PPM1F: variants seen among roughly 807,000 people sequenced by gnomAD.
The protein encoded by PPM1F is protein phosphatase 1F.
PPM1F carries 17 observed loss-of-function variants against 35.5 expected under a neutral mutation model. The observed-to-expected ratio is 0.48, with a 90% CI of 0.33 to 0.72. The LOEUF is 0.72. PPM1F is among the 30% of genes least tolerant of loss of function. PPM1F has a pLI of 0.02. For missense variants in PPM1F, 521 were observed against 613.0 expected (o/e 0.85, Z 1.59); for synonymous variants, 241 against 255.5 (o/e 0.94, Z 0.54).
At chr22:21,926,624 T>A (rs558971249) in intron 6 of PPM1F, among the ~76,000 whole-genome samples, 2 of 152,298 alleles carry the variant, frequency 1.3e-5, no homozygotes, top group South Asian at 4.1e-4. Flanking sequence ...GCCTGCTGAC[T>A]GAAGCCTGCA....
chr22:21,925,934 G>C lies in PPM1F; in HGVS notation c.892-272C>G, dbSNP rs899280681. ...CTAGCGGTGCCTGCGCCCCTGGGCA[G>C]CATTCTGGGTCAGGGAGGCACTCAC... On this transcript the variant is annotated intron_variant, in intron 6 of 7. Transcript: ENST00000263212. 2.1e-4 allele frequency: 81 copies of C among 391,888 alleles called. 1 individual carries two copies. The Middle Eastern group carries it at 3.9e-3, about 19-fold the overall frequency. The allele number at this position is 391,888 out of a possible 1,614,324, so 24.3% of individuals were successfully genotyped here.
chr22:21,952,282 T>C (rs1353582571), intron 1 of PPM1F: 1 of 152,170 alleles, frequency 6.6e-6, no homozygotes, highest in African/African-American at 2.4e-5. Context: ...CAGCTGACGC[T>C]CGCTTCACGG....
chr22:21,950,234 C>T (rs1465673858), intron 1 of PPM1F: 1 of 152,044 alleles, frequency 6.6e-6, no homozygotes, highest in East Asian at 1.9e-4. Context: ...TAGGGCAGCC[C>T]CTCCCCTCCT....
chr22:21,931,025 T>C (rs2070582734), intron 6 of PPM1F, 123 bp downstream of exon 6: 19 of 1,470,260 alleles, frequency 1.3e-5, no homozygotes, highest in Non-Finnish European at 1.7e-5. Flanking sequence ...CAGGGAGCCC[T>C]CCCTCTTGAA....
Position 21,926,999 on chromosome 22 carries a change from C to T in PPM1F, c.892-1337G>A, listed in dbSNP as rs918150152. ...GAATGACATGGGTTTGCAGGAGTCC[C>T]GGCCTTCCTGGGCACTGCAGCCATG... On this transcript the variant is annotated intron_variant, in intron 6 of 7. Coordinates refer to ENST00000263212, the MANE Select transcript of PPM1F (RefSeq NM_014634.4). Among the ~76,000 whole-genome samples the T allele has an allele frequency of 3.3e-5, 5 of 152,194 alleles. No homozygotes were observed. The South Asian group carries it at 1.0e-3, about 31-fold the overall frequency.
chr22:21,941,223 C>T (rs1191253741), intron 2 of PPM1F: 2 of 152,380 alleles, frequency 1.3e-5, no homozygotes, highest in Non-Finnish European at 2.9e-5. Context: ...CGCCTTTGGT[C>T]TGTTTGAAGA....
In PPM1F at chr22:21,920,014, C is replaced by T. The variant is rs1338616632; in HGVS notation, c.*3078G>A. The T allele has an allele frequency of 2.6e-5, 4 of 152,380 alleles. No homozygotes were observed. The highest frequency in any genetic ancestry group is 9.6e-5 in the African/African-American group (4 of 41,464). The allele number at this position is 152,380 out of a possible 1,614,324, so 9.4% of individuals were successfully genotyped here. A position where few individuals can be genotyped will look rare whatever the true frequency, so the allele number is the denominator to read the frequency against. ...TCTGGGATTCTGAGGGACTGCCCTC[C>T]ACCCCTGCAGGCCTGGGCTCAGAGT... On this transcript the variant is annotated 3_prime_UTR_variant, in exon 8 of 8. Coordinates refer to ENST00000263212, the MANE Select transcript of PPM1F (RefSeq NM_014634.4).
chr22:21,924,265 C>T (rs2070483567), intron 7 of PPM1F, among the ~76,000 whole-genome samples: 1 of 140,742 alleles, frequency 7.1e-6, no homozygotes, highest in Non-Finnish European at 1.6e-5. Flanking sequence ...CAGGCTGGAC[C>T]CACTTTTTTT....
intron 3 of PPM1F, chr22:21,935,703 T>C (rs963160793): frequency 6.6e-6 from 1 of 152,132 alleles, no homozygotes; most frequent in Non-Finnish European, 1.5e-5. Context: ...ACCTTGTCTC[T>C]TAAAAACAAA....
intron 5 of PPM1F, chr22:21,932,653 G>A (rs145403073): frequency 6.6e-6 from 1 of 152,214 alleles, no homozygotes; most frequent in East Asian, 1.9e-4. Flanking sequence ...GTTCACAGAG[G>A]AGGGGCCTGA....
At chr22:21,941,176 A>G (rs2070721452) in intron 2 of PPM1F, 1 of 152,366 alleles carries the variant, frequency 6.6e-6, no homozygotes, top group Admixed American at 6.5e-5. Flanking sequence ...CAGCCTCCCA[A>G]AGCCCTGGGA....
At position 21,934,217 on chromosome 22, in the gene PPM1F, G is replaced by T; in HGVS notation, c.365C>A (p.Ala122Asp). The change falls in exon 4 of 8, where the codon GCC (alanine) becomes GAC (aspartate). Residue 122 changes from alanine to aspartate, a missense_variant. Transcript: ENST00000263212. ...EEKAPVTLLDAQSLAQSFFNR... is the reference protein window; with the variant it reads ...EEKAPVTLLDDQSLAQSFFNR... ...AAAGAAACTCTGTGCCAGGCTTTGG[G>T]CATCCAGCACTGATGGGCACAATGG... The T allele has an allele frequency of 6.4e-7, 1 of 1,569,392 alleles. No individual in the cohort carries two copies. Among genetic ancestry groups the T allele is most frequent in the Admixed American group, 1.9e-5 (1 of 52,922 alleles).
intron 6 of PPM1F, among the ~76,000 whole-genome samples, chr22:21,929,356 C>T (rs1344520794): frequency 6.6e-6 from 1 of 152,194 alleles, no homozygotes; most frequent in African/African-American, 2.4e-5. Context: ...AAGCTCTGAT[C>T]TCTGTGCTCC....
rs529765752 is a variant in PPM1F, at chr22:21,921,172, C to A, written c.*1920G>T. The A allele has an allele frequency of 6.6e-6, 1 of 150,516 alleles. No individual in the cohort carries two copies. The highest frequency in any genetic ancestry group is 2.1e-4 in the South Asian group (1 of 4,754). 9.3% of individuals were successfully genotyped at this position (150,516 alleles called of 1,614,324 possible). A position where few individuals can be genotyped will look rare whatever the true frequency, so the allele number is the denominator to read the frequency against. ...TCCCCGCTCCCTGTGGGACAGAGGG[C>A]TCCCACCGGGAAGGCGGCTCTAGCG... On this transcript the variant is annotated 3_prime_UTR_variant, in exon 8 of 8. Transcript: ENST00000263212.
chr22:21,938,454 CGAG>C (rs1177794955), intron 3 of PPM1F: 11 of 1,132,634 alleles, frequency 9.7e-6, no homozygotes, highest in Non-Finnish European at 1.2e-5. Context: ...AGGACGAGAG[CGAG>C]GAGGAGAGCG....
chr22:21,934,256 G>A (rs566945450), intron 3 of PPM1F, 30 bp from the exon 4 acceptor site: 63 of 1,534,106 alleles, frequency 4.1e-5, no homozygotes, highest in South Asian at 3.1e-4. Flanking sequence ...GATTGTCAGG[G>A]AAGTGCCAAC....
rs2070699600 is a variant in PPM1F, at chr22:21,939,453, A to G, written c.355+79T>C. On this transcript the variant is annotated intron_variant, in intron 3 of 7. Transcript: ENST00000263212. The surrounding 1 kb of genome is among the most constrained non-coding windows in gnomAD (Gnocchi z 5.1). The stretch of plus-strand genomic sequence containing the variant: ...CCCAGCACCCTTAGGGACCCCAATC[A>G]ATGGGCTTCCCACAATGTCGTCACC... The G allele has an allele frequency of 6.4e-7, 1 of 1,569,114 alleles. No individual in the cohort carries two copies. Among genetic ancestry groups the G allele is most frequent in the Admixed American group, 1.8e-5 (1 of 56,204 alleles).
intron 7 of PPM1F, chr22:21,925,296 T>A (rs1053558608): frequency 2.3e-6 from 1 of 430,010 alleles, no homozygotes; most frequent in Admixed American, 4.0e-5. Flanking sequence ...TTCCAGCCCA[T>A]AGGGTGGTGA....
At chr22:21,931,548 TGTCA>T (rs917350618) in intron 5 of PPM1F, among the ~76,000 whole-genome samples, 1 of 152,162 alleles carries the variant, frequency 6.6e-6, no homozygotes, top group Admixed American at 6.5e-5. Context: ...AGTCTTGCTC[TGTCA>T]TTCAGGCTGG....
Sources: allele counts gnomAD v4.1 joint callset (sites outside exome capture counted in the v4.1 genomes callset), GRCh38; gene constraint gnomAD v4.1.1; non-coding constraint Gnocchi (gnomAD v3.1); transcripts MANE v1.5; gene names NCBI Gene and HGNC (gene_info 2026-07-23, HGNC 2026-07-21).